CERT1: variants seen among roughly 807,000 people sequenced by gnomAD.
CERT1 encodes ceramide transfer protein.
In CERT1, 31 loss-of-function variants were observed where a neutral mutation model predicts 87.9. The ratio of observed to expected loss-of-function variants is 0.35; its 90% CI spans 0.27 to 0.48. The LOEUF (loss-of-function observed/expected upper bound fraction) is 0.48. Ranked by LOEUF, CERT1 falls within the 20% of genes least tolerant of loss-of-function variation. CERT1 has a pLI of 0.99. For missense variants in CERT1, 487 were observed against 758.0 expected (o/e 0.64, Z 4.20); for synonymous variants, 289 against 250.9 (o/e 1.15, Z -1.44).
intron 8 of CERT1, among the ~76,000 whole-genome samples, chr5:75,409,390 A>C (rs1043508771): frequency 2.0e-5 from 3 of 152,234 alleles, no homozygotes; most frequent in African/African-American, 7.2e-5. Context: ...GCAGCTGTTT[A>C]GTTTTCCTTT....
At chr5:75,500,116 T>C (rs1370399546) in intron 2 of CERT1, among the ~76,000 whole-genome samples, 1 of 152,114 alleles carries the variant, frequency 6.6e-6, no homozygotes, top group East Asian at 1.9e-4. Flanking sequence ...CCACAAGCCA[T>C]GGAGTACCAA....
chr5:75,491,270 G>A (rs572375648), intron 2 of CERT1, among the ~76,000 whole-genome samples: 1 of 152,112 alleles, frequency 6.6e-6, no homozygotes, highest in South Asian at 2.1e-4. Flanking sequence ...AGGGTTGTAG[G>A]CCTTCTCATT....
chr5:75,468,001 C>T (rs1466099967), intron 2 of CERT1, among the ~76,000 whole-genome samples: 1 of 152,100 alleles, frequency 6.6e-6, no homozygotes, highest in East Asian at 1.9e-4. Flanking sequence ...CAACAAAATG[C>T]AAAAAGTGGT....
At chr5:75,444,186 G>T (rs1449656898) in intron 3 of CERT1, among the ~76,000 whole-genome samples, 1 of 152,070 alleles carries the variant, frequency 6.6e-6, no homozygotes, top group Non-Finnish European at 1.5e-5. Context: ...CTCCCGAGTA[G>T]CTGGGATTAC....
rs146852839 is a variant in CERT1, at chr5:75,478,831, G to C, written c.232-19650C>G. ...CATCCAAAGCAAGCAAGGCTCCTCAGAGAAATGGTCCAGGACTGGGGCAAG... is the reference window on the plus strand; with the variant it reads ...CATCCAAAGCAAGCAAGGCTCCTCACAGAAATGGTCCAGGACTGGGGCAAG... On this transcript the variant is annotated intron_variant, in intron 2 of 16. Coordinates refer to ENST00000643780, the MANE Select transcript of CERT1 (RefSeq NM_001379029.1). 1.6e-3 allele frequency among the ~76,000 whole-genome samples: 224 copies of C among 136,726 alleles called. 1 individual carries two copies. The highest frequency in any genetic ancestry group is 8.9e-3 in the Admixed American group (109 of 12,210). The allele number at this position is 136,726 out of a possible 152,430, so 89.7% of individuals were successfully genotyped here. A position where few individuals can be genotyped will look rare whatever the true frequency, so the allele number is the denominator to read the frequency against.
intron 8 of CERT1, among the ~76,000 whole-genome samples, chr5:75,408,903 C>T (rs1762818958): frequency 6.6e-6 from 1 of 152,012 alleles, no homozygotes; most frequent in Non-Finnish European, 1.5e-5. Flanking sequence ...GGCCCCTCTT[C>T]CCTCCACCCC....
intron 3 of CERT1, among the ~76,000 whole-genome samples, chr5:75,438,336 C>A (rs999275292): frequency 6.6e-6 from 1 of 152,084 alleles, no homozygotes; most frequent in Non-Finnish European, 1.5e-5. Flanking sequence ...CTCAAGATAT[C>A]CACTTTGAAA....
At chr5:75,414,568 T>C (rs1763064765) in intron 7 of CERT1, among the ~76,000 whole-genome samples, 1 of 152,152 alleles carries the variant, frequency 6.6e-6, no homozygotes, top group African/African-American at 2.4e-5. Context: ...TTAACCATAA[T>C]TGCCTAATTT....
In CERT1 at chr5:75,435,146, T is replaced by C. The variant is rs529587808; in HGVS notation, c.349-8668A>G. Among the ~76,000 whole-genome samples the C allele has an allele frequency of 2.0e-5, 3 of 152,308 alleles. No homozygotes were observed. In the South Asian group the frequency reaches 6.2e-4, roughly 32 times the overall value. On this transcript the variant is annotated intron_variant, in intron 3 of 16. Coordinates refer to ENST00000643780, the MANE Select transcript of CERT1 (RefSeq NM_001379029.1). ...GTTCATTATTTAAAATTCTATCTCT[T>C]TTATTTCTGTCTGTCTGCACTGATT...
rs754823651 is a variant in CERT1 at position 75,419,432 on chromosome 5, A to G, written c.596-8T>C. The G allele has an allele frequency of 4.5e-5, 71 of 1,568,648 alleles. No homozygotes were observed. The East Asian group carries it at 1.6e-3, about 35-fold the overall frequency. ...CTTCATCATCTTCTACCACTAAATA[A>G]AATATATTTAAGGAAATTAGGATGA... On this transcript the variant is annotated splice_polypyrimidine_tract_variant and splice_region_variant and intron_variant, in intron 5 of 16. Transcript: ENST00000643780.
At chr5:75,444,609 C>T (rs1445181376) in intron 3 of CERT1, among the ~76,000 whole-genome samples, 2 of 142,866 alleles carry the variant, frequency 1.4e-5, no homozygotes, top group Admixed American at 7.2e-5. Context: ...TGCAGTGGTG[C>T]AATCTCGGCT....
chr5:75,485,787 CA>C (rs1580839388), intron 2 of CERT1, among the ~76,000 whole-genome samples: 1 of 152,090 alleles, frequency 6.6e-6, no homozygotes, highest in African/African-American at 2.4e-5. Context: ...TAGACAGATA[CA>C]ACCTACCAAT....
intron 5 of CERT1, among the ~76,000 whole-genome samples, chr5:75,423,239 T>C (rs1763461422): frequency 6.6e-6 from 1 of 152,252 alleles, no homozygotes; most frequent in African/African-American, 2.4e-5. Flanking sequence ...GCTATTGGTA[T>C]GGACCATTAA....
chr5:75,498,236 T>C lies in CERT1; in HGVS notation c.231+7746A>G, dbSNP rs562365412. Among the ~76,000 whole-genome samples, 6 of 152,208 alleles carry C rather than the reference T, an allele frequency of 3.9e-5. No individual in the cohort carries two copies. The South Asian group carries it at 1.2e-3, about 32-fold the overall frequency. On this transcript the variant is annotated intron_variant, in intron 2 of 16. Transcript: ENST00000643780. ...AAAAGTTTGGAAAATCTGCAGCCTGTTGATGTGACAGAAAAGAAGAACGTA... is the reference window on the plus strand; with the variant it reads ...AAAAGTTTGGAAAATCTGCAGCCTGCTGATGTGACAGAAAAGAAGAACGTA...
At chr5:75,463,288 C>T (rs922572856) in intron 2 of CERT1, among the ~76,000 whole-genome samples, 1 of 152,098 alleles carries the variant, frequency 6.6e-6, no homozygotes, top group Admixed American at 6.5e-5. Context: ...CTCTACCCCA[C>T]AATTAAATAC....
At chr5:75,397,847 C>T (rs1301902510) in intron 11 of CERT1, among the ~76,000 whole-genome samples, 2 of 152,018 alleles carry the variant, frequency 1.3e-5, no homozygotes, top group Admixed American at 6.6e-5. Context: ...GGTGAAAACC[C>T]GTCTTTACTA....
chr5:75,414,924 TATTGTTATC>T (rs1561246071), intron 7 of CERT1, among the ~76,000 whole-genome samples: 1 of 152,096 alleles, frequency 6.6e-6, no homozygotes, highest in Non-Finnish European at 1.5e-5. Flanking sequence ...AGTGAAACCA[TATTGTTATC>T]ATTGTACTTT....
rs186470288 is a variant in CERT1 at position 75,379,319 on chromosome 5, A to G, written c.*27T>C. ...AGTCAAATAAAGTTAAAAAAAGATAAAACATATCTTCTAGTACCTGTTAAT... is the reference window on the plus strand; with the variant it reads ...AGTCAAATAAAGTTAAAAAAAGATAGAACATATCTTCTAGTACCTGTTAAT... On this transcript the variant is annotated 3_prime_UTR_variant, in exon 17 of 17. Coordinates refer to ENST00000643780, the MANE Select transcript of CERT1 (RefSeq NM_001379029.1). 1 of 1,568,350 alleles carries G rather than the reference A, an allele frequency of 6.4e-7. No homozygotes were observed. Among genetic ancestry groups the G allele is most frequent in the African/African-American group, 1.4e-5 (1 of 72,678 alleles).
At chr5:75,373,778 T>C, downstream of CERT1, 1 of 268,112 alleles carries the variant, frequency 3.7e-6, no homozygotes, top group Non-Finnish European at 6.9e-6. Context: ...CCATGTGCAT[T>C]CAACTTTTGT....
Sources: allele counts gnomAD v4.1 joint callset (sites outside exome capture counted in the v4.1 genomes callset), GRCh38; gene constraint gnomAD v4.1.1; transcripts MANE v1.5; gene names NCBI Gene and HGNC (gene_info 2026-07-23, HGNC 2026-07-21).